Variants in PLPPR5 observed in about 807,000 individuals in gnomAD.
PLPPR5 encodes phospholipid phosphatase related 5, also known as phospholipid phosphatase-related protein type 5.
A neutral mutation model predicts 33.9 loss-of-function variants in PLPPR5; 16 were observed. The observed-to-expected ratio is 0.47, with a 90% CI of 0.32 to 0.72. The LOEUF is 0.72. Among genes scored for constraint, PLPPR5 ranks in the 30% least tolerant of loss-of-function variants. PLPPR5 has a pLI of 0.03. For synonymous variants in PLPPR5, 163 were observed against 150.3 expected (o/e 1.08, Z -0.62); for missense variants, 301 against 406.7 (o/e 0.74, Z 2.23).
chr1:98,934,138 TG>T lies in PLPPR5; in HGVS notation c.622-12081del, dbSNP rs1284389850. 8.5e-5 allele frequency among the ~76,000 whole-genome samples: 13 copies of T among 152,238 alleles called. No homozygotes were observed. The East Asian group carries it at 2.3e-3, about 27-fold the overall frequency. On this transcript the variant is annotated intron_variant, in intron 3 of 5. Coordinates refer to ENST00000263177, the MANE Select transcript of PLPPR5 (RefSeq NM_001037317.2). Reference sequence around the variant, plus strand: ...GCTATGCTTCTGGGATAAATGTCCATGGGAATGTGGGACAGAGGATAAATTA... The same window carrying T: ...GCTATGCTTCTGGGATAAATGTCCATGGAATGTGGGACAGAGGATAAATTA...
At chr1:98,980,885 A>C (rs1652040428) in intron 1 of PLPPR5, among the ~76,000 whole-genome samples, 1 of 152,100 alleles carries the variant, frequency 6.6e-6, no homozygotes, top group South Asian at 2.1e-4. Flanking sequence ...ACAAATATTT[A>C]TCTTTTAGCA....
At chr1:99,000,718 CTT>C (rs1287832755) in intron 1 of PLPPR5, among the ~76,000 whole-genome samples, 1 of 152,150 alleles carries the variant, frequency 6.6e-6, no homozygotes, top group East Asian at 1.9e-4. Flanking sequence ...CACTAGAGGT[CTT>C]TGTGGTATAT....
At chr1:98,932,043 T>C (rs955635186) in intron 3 of PLPPR5, among the ~76,000 whole-genome samples, 18 of 152,082 alleles carry the variant, frequency 1.2e-4, no homozygotes, top group African/African-American at 4.1e-4. Flanking sequence ...GGGTGGAAGG[T>C]GAAAGTGCGG....
chr1:98,911,279 G>A (rs951700777), intron 5 of PLPPR5, among the ~76,000 whole-genome samples: 28 of 152,166 alleles, frequency 1.8e-4, no homozygotes, highest in Non-Finnish European at 4.0e-4. Flanking sequence ...GAGTAAGGGG[G>A]AAACCAAATC....
At chr1:98,941,634 A>G (rs1001671657) in intron 3 of PLPPR5, among the ~76,000 whole-genome samples, 1 of 151,684 alleles carries the variant, frequency 6.6e-6, no homozygotes, top group Non-Finnish European at 1.5e-5. Flanking sequence ...AGTTAATAGC[A>G]TAAGTCTCTA....
At chr1:98,978,384 G>A (rs957028557) in intron 1 of PLPPR5, among the ~76,000 whole-genome samples, 2 of 151,902 alleles carry the variant, frequency 1.3e-5, no homozygotes, top group Admixed American at 6.6e-5. Flanking sequence ...ATGATGGTTC[G>A]ATGTTGCATT....
At chr1:98,928,881 A>G (rs1271707532) in intron 3 of PLPPR5, among the ~76,000 whole-genome samples, 2 of 151,904 alleles carry the variant, frequency 1.3e-5, no homozygotes, top group East Asian at 3.9e-4. Context: ...AATATCATGG[A>G]ATTATTTAGG....
At chr1:98,918,818 C>A (rs1649449701) in intron 4 of PLPPR5, among the ~76,000 whole-genome samples, 1 of 152,176 alleles carries the variant, frequency 6.6e-6, no homozygotes, top group Non-Finnish European at 1.5e-5. Context: ...TAAAAGAACT[C>A]TGGGAAGTAA....
At chr1:98,896,486 A>T (rs1226102399) in intron 5 of PLPPR5, among the ~76,000 whole-genome samples, 6 of 152,134 alleles carry the variant, frequency 3.9e-5, no homozygotes, top group Admixed American at 2.0e-4. Flanking sequence ...TGGTCATATA[A>T]TTTTTTGTCA....
chr1:98,977,068 T>C (rs956888835), intron 1 of PLPPR5, among the ~76,000 whole-genome samples: 1 of 152,174 alleles, frequency 6.6e-6, no homozygotes, highest in South Asian at 2.1e-4. Context: ...ATATTCTAGT[T>C]GAAATATAAA....
intron 4 of PLPPR5, among the ~76,000 whole-genome samples, chr1:98,921,291 G>A (rs1649543490): frequency 6.6e-6 from 1 of 152,098 alleles, no homozygotes; most frequent in Non-Finnish European, 1.5e-5. Context: ...GATTTGACAT[G>A]GTATGGTCTT....
At chr1:99,004,033 C>T (rs1652967576) in intron 1 of PLPPR5, among the ~76,000 whole-genome samples, 1 of 152,190 alleles carries the variant, frequency 6.6e-6, no homozygotes, top group African/African-American at 2.4e-5. Context: ...CCGGCCCGCC[C>T]GCCGCTGCTC....
intron 1 of PLPPR5, among the ~76,000 whole-genome samples, chr1:98,979,762 T>C (rs1651991254): frequency 2.0e-5 from 3 of 151,994 alleles, no homozygotes; most frequent in African/African-American, 7.2e-5. Flanking sequence ...CACCACCATG[T>C]TCTATACTTT....
rs749437292 is a variant in PLPPR5 at position 98,956,625 on chromosome 1, T to G, written c.354A>C (p.Arg118=). 2 of 1,587,486 alleles carry G rather than the reference T, an allele frequency of 1.3e-6. No homozygotes were observed. The highest frequency in any genetic ancestry group is 1.7e-6 in the Non-Finnish European group (2 of 1,171,348). The part of the protein sequence containing the change: ...DCCYINPLVR[R]TVRFLGIYTF... ...AACACATACCAAGAAATCGGACAGT[T>G]CGGCGCACCAGCGGGTTTATATAGC... The change falls in exon 2 of 6, where the codon CGA becomes CGC. Residue 118 remains arginine (R), a synonymous_variant. Coordinates refer to ENST00000263177, the MANE Select transcript of PLPPR5 (RefSeq NM_001037317.2).
At chr1:98,990,969 C>T (rs985074670) in intron 1 of PLPPR5, 7 of 152,016 alleles carry the variant, frequency 4.6e-5, no homozygotes, top group Non-Finnish European at 8.8e-5. Flanking sequence ...AGCAAAAATA[C>T]GCAAGACAAA....
chr1:98,926,446 T>C (rs1649765740), intron 3 of PLPPR5, among the ~76,000 whole-genome samples: 1 of 127,998 alleles, frequency 7.8e-6, no homozygotes, highest in Admixed American at 8.8e-5. Context: ...TAGGTTTGAT[T>C]AGTGTGTGTG....
chr1:98,967,635 C>G (rs1194255629), intron 1 of PLPPR5, among the ~76,000 whole-genome samples: 1 of 152,048 alleles, frequency 6.6e-6, no homozygotes, highest in Non-Finnish European at 1.5e-5. Flanking sequence ...AGTCATATAA[C>G]TTCCCTTCAC....
intron 1 of PLPPR5, among the ~76,000 whole-genome samples, chr1:98,959,438 CTAAAATAGTAAGTTTAT>C (rs1197871529): frequency 6.6e-6 from 1 of 152,206 alleles, no homozygotes; most frequent in East Asian, 1.9e-4. Context: ...ACTATGTTAA[CTAAAATAGTAAGTTTAT>C]TCTACAGTTA....
intron 1 of PLPPR5, among the ~76,000 whole-genome samples, chr1:99,003,092 T>C (rs962164620): frequency 1.5e-5 from 2 of 134,784 alleles, no homozygotes; most frequent in African/African-American, 5.5e-5. Flanking sequence ...TATATATATA[T>C]ATATGTAAAA....
Sources: gnomAD v4.1 joint callset for allele counts (sites outside exome capture counted in the v4.1 genomes callset) on GRCh38, gnomAD v4.1.1 for gene constraint, MANE v1.5 for transcripts, NCBI Gene and HGNC (gene_info 2026-07-23, HGNC 2026-07-21) for gene names.